SEMA3A: variants seen among roughly 807,000 people sequenced by gnomAD.
The protein encoded by SEMA3A is semaphorin 3A, also known as semaphorin-3A.
Under a neutral mutation model 97.9 loss-of-function variants are expected in SEMA3A, and 29 were observed. The observed-to-expected ratio is 0.30, with a 90% CI of 0.22 to 0.40. The LOEUF (loss-of-function observed/expected upper bound fraction) is 0.40. SEMA3A is among the 10% of genes least tolerant of loss of function. The pLI, the probability that SEMA3A is intolerant of heterozygous loss-of-function variation, is 1.00. For missense variants in SEMA3A, 763 were observed against 951.3 expected (o/e 0.80, Z 2.60); for synonymous variants, 321 against 323.7 (o/e 0.99, Z 0.09).
At chr7:84,201,135 A>G (rs1013341712) in intron 3 of SEMA3A, among the ~76,000 whole-genome samples, 3 of 152,134 alleles carry the variant, frequency 2.0e-5, no homozygotes, top group Admixed American at 6.5e-5. Context: ...CACGCAAAGC[A>G]GATGCATAGA....
chr7:84,462,207 A>T (rs1399671720), intron 1 of SEMA3A, among the ~76,000 whole-genome samples: 1 of 152,136 alleles, frequency 6.6e-6, no homozygotes, highest in Non-Finnish European at 1.5e-5. Context: ...ATAAAAATAT[A>T]CCTTATTACT....
intron 1 of SEMA3A, among the ~76,000 whole-genome samples, chr7:84,147,004 T>C (rs1442695752): frequency 6.6e-6 from 1 of 152,214 alleles, no homozygotes; most frequent in East Asian, 1.9e-4. Context: ...GCAGTCTTGC[T>C]CAATTATTTA....
Position 84,211,447 on chromosome 7 carries a change from C to T in SEMA3A, c.-82-16779G>A, listed in dbSNP as rs574571368. ...CCAACATGGTGAAACCCTGTCTCTA[C>T]TAAAAATACAAAAAAAAAAAAAAAT... On this transcript the variant is annotated intron_variant, in intron 3 of 3. Coordinates refer to the SEMA3A transcript ENST00000424555. 1.6e-3 allele frequency among the ~76,000 whole-genome samples: 231 copies of T among 147,688 alleles called. 1 individual carries two copies. Among genetic ancestry groups the T allele is most frequent in the Non-Finnish European group, 2.2e-3 (149 of 67,118 alleles).
chr7:84,456,966 T>C lies in SEMA3A; in HGVS notation c.-246+35494A>G, dbSNP rs1805702422. Among the ~76,000 whole-genome samples, 3 of 151,838 alleles carry C rather than the reference T, an allele frequency of 2.0e-5. No individual in the cohort carries two copies. In the South Asian group the frequency reaches 6.2e-4, roughly 31 times the overall value. ...CAGCTAATAAGCGATAAAGCCAGGA[T>C]ACTCCAATTCAGGTTTTCAGATAGC... On this transcript the variant is annotated intron_variant, in intron 1 of 3. Coordinates refer to the SEMA3A transcript ENST00000424555.
chr7:84,131,346 T>G (rs895599706), intron 2 of SEMA3A, among the ~76,000 whole-genome samples: 1 of 152,194 alleles, frequency 6.6e-6, no homozygotes, highest in Non-Finnish European at 1.5e-5. Flanking sequence ...TGCTCACAAA[T>G]TTCTCAGTTA....
At chr7:84,287,662 G>A (rs984613862) in intron 3 of SEMA3A, among the ~76,000 whole-genome samples, 8 of 151,982 alleles carry the variant, frequency 5.3e-5, no homozygotes, top group Admixed American at 1.3e-4. Context: ...ATGATTATGT[G>A]TATTACTTGG....
chr7:84,129,077 T>C, intron 3 of SEMA3A, 46 bp downstream of exon 3: 2 of 1,425,832 alleles, frequency 1.4e-6, no homozygotes, highest in Non-Finnish European at 2.0e-6. Flanking sequence ...GCATTTTGAA[T>C]GAAGGATACT....
At chr7:83,965,129 T>G in intron 15 of SEMA3A, among the ~76,000 whole-genome samples, 1 of 151,192 alleles carries the variant, frequency 6.6e-6, no homozygotes. Flanking sequence ...TTAGTAGAGA[T>G]GGGGTTTCGC....
At chr7:84,465,161 T>C (rs530770792) in intron 1 of SEMA3A, among the ~76,000 whole-genome samples, 1 of 152,188 alleles carries the variant, frequency 6.6e-6, no homozygotes, top group Non-Finnish European at 1.5e-5. Context: ...TTTTCTAGTA[T>C]CAGTTTCATG....
chr7:84,272,217 G>C (rs1400212567), intron 3 of SEMA3A, among the ~76,000 whole-genome samples: 1 of 151,902 alleles, frequency 6.6e-6, no homozygotes, highest in Non-Finnish European at 1.5e-5. Context: ...AGAAAATTTA[G>C]AATCTATGAA....
intron 3 of SEMA3A, among the ~76,000 whole-genome samples, chr7:84,248,409 T>C (rs1448111632): frequency 6.6e-6 from 1 of 152,184 alleles, no homozygotes; most frequent in Non-Finnish European, 1.5e-5. Flanking sequence ...GGCATGCAAA[T>C]ACTTCACAGC....
chr7:84,064,880 G>A (rs1315331989), intron 4 of SEMA3A, among the ~76,000 whole-genome samples: 1 of 151,976 alleles, frequency 6.6e-6, no homozygotes. Flanking sequence ...AAGTCAACAA[G>A]GATACCCAGG....
intron 1 of SEMA3A, among the ~76,000 whole-genome samples, chr7:84,425,181 G>A (rs1468171191): frequency 1.7e-3 from 169 of 99,374 alleles, no homozygotes; most frequent in African/African-American, 6.4e-3. Flanking sequence ...TATATTATAC[G>A]CATATATTTA....
intron 4 of SEMA3A, among the ~76,000 whole-genome samples, chr7:84,074,746 AGTT>A (rs993152082): frequency 3.9e-5 from 6 of 152,032 alleles, no homozygotes; most frequent in Non-Finnish European, 7.4e-5. Flanking sequence ...TCTAAAATAT[AGTT>A]GTTAACTAAA....
chr7:84,465,103 A>T (rs1323307509), intron 1 of SEMA3A, among the ~76,000 whole-genome samples: 2 of 152,216 alleles, frequency 1.3e-5, no homozygotes, highest in African/African-American at 4.8e-5. Context: ...CTATAATTAT[A>T]CATAAATGTG....
intron 1 of SEMA3A, among the ~76,000 whole-genome samples, chr7:84,415,669 T>A (rs991060797): frequency 6.6e-6 from 1 of 152,112 alleles, no homozygotes; most frequent in Non-Finnish European, 1.5e-5. Context: ...TGGAATTTTT[T>A]AAATTAATCA....
At chr7:84,103,350 G>T (rs1047792459) in intron 4 of SEMA3A, among the ~76,000 whole-genome samples, 2 of 151,762 alleles carry the variant, frequency 1.3e-5, no homozygotes, top group African/African-American at 2.4e-5. Flanking sequence ...GAGCATTTTT[G>T]GCATTTAAAT....
intron 3 of SEMA3A, among the ~76,000 whole-genome samples, chr7:84,239,819 C>T (rs1025713826): frequency 6.6e-6 from 1 of 152,066 alleles, no homozygotes; most frequent in African/African-American, 2.4e-5. Context: ...ACATTTATTA[C>T]TGTCACTGTG....
intron 1 of SEMA3A, among the ~76,000 whole-genome samples, chr7:84,418,338 C>CACTTTAT: frequency 6.6e-6 from 1 of 152,154 alleles, no homozygotes; most frequent in East Asian, 1.9e-4. Flanking sequence ...AGGGGAACTC[C>CACTTTAT]ACTTTATAAA....
Sources: allele counts gnomAD v4.1 joint callset (sites outside exome capture counted in the v4.1 genomes callset), GRCh38; gene constraint gnomAD v4.1.1; transcripts MANE v1.5; gene names NCBI Gene and HGNC (gene_info 2026-07-23, HGNC 2026-07-21).